GNG4: variants seen among roughly 807,000 people sequenced by gnomAD.
The protein encoded by GNG4 is G protein subunit gamma 4.
GNG4 carries 4 observed loss-of-function variants against 5.8 expected under a neutral mutation model. The ratio of observed to expected loss-of-function variants is 0.69; its 90% CI spans 0.34 to 1.57. The LOEUF (loss-of-function observed/expected upper bound fraction) is 1.57, where lower values mean the gene tolerates loss of function less well. GNG4 is among the 40% of genes most tolerant of loss of function. The pLI, the probability that GNG4 is intolerant of heterozygous loss-of-function variation, is 0.06. For synonymous variants in GNG4, 29 were observed against 32.9 expected (o/e 0.88, Z 0.41); for missense variants, 96 against 95.1 (o/e 1.01, Z -0.04).
intron 1 of GNG4, among the ~76,000 whole-genome samples, chr1:235,609,307 A>G (rs988521945): frequency 6.6e-6 from 1 of 152,192 alleles, no homozygotes; most frequent in South Asian, 2.1e-4. Context: ...GCTATTGTGA[A>G]TAATGCTGCC....
chr1:235,589,594 AG>A (rs1445960030), intron 2 of GNG4, among the ~76,000 whole-genome samples: 1 of 152,160 alleles, frequency 6.6e-6, no homozygotes, highest in Non-Finnish European at 1.5e-5. Context: ...GACCCCAAGC[AG>A]GGCATTTGGT....
At chr1:235,618,952 C>T (rs184676522) in intron 1 of GNG4, among the ~76,000 whole-genome samples, 130 of 150,596 alleles carry the variant, frequency 8.6e-4, no homozygotes, top group African/African-American at 3.0e-3. Context: ...CACTGCACGC[C>T]GCCAGTGAGT....
intron 3 of GNG4, among the ~76,000 whole-genome samples, chr1:235,579,605 C>T (rs370780478): frequency 2.6e-4 from 39 of 152,036 alleles, no homozygotes; most frequent in African/African-American, 8.2e-4. Flanking sequence ...AATCCCAGCA[C>T]TTAGAGAGGC....
intron 3 of GNG4, among the ~76,000 whole-genome samples, chr1:235,574,900 C>T (rs574223138): frequency 8.0e-4 from 122 of 152,192 alleles, no homozygotes; most frequent in Non-Finnish European, 1.5e-3. Context: ...TCTCAGCTCA[C>T]TGCAACCTCC....
chr1:235,633,831 A>C (rs1688979279), intron 1 of GNG4, among the ~76,000 whole-genome samples: 2 of 152,162 alleles, frequency 1.3e-5, no homozygotes, highest in African/African-American at 2.4e-5. Context: ...GTGGGTGAAG[A>C]AGCAGCTGGA....
At chr1:235,627,023 C>T (rs1265371285) in intron 1 of GNG4, among the ~76,000 whole-genome samples, 4 of 133,540 alleles carry the variant, frequency 3.0e-5, no homozygotes. Flanking sequence ...AAATTAGAGA[C>T]TGTCTTTGGG....
At chr1:235,602,639 A>G (rs1405905620) in intron 1 of GNG4, among the ~76,000 whole-genome samples, 2 of 152,206 alleles carry the variant, frequency 1.3e-5, no homozygotes. Flanking sequence ...CTCATTTAAG[A>G]GCTTGTATTT....
At chr1:235,620,598 T>C (rs970344425) in intron 1 of GNG4, among the ~76,000 whole-genome samples, 1 of 152,036 alleles carries the variant, frequency 6.6e-6, no homozygotes, top group Non-Finnish European at 1.5e-5. Context: ...TGCAGTGGCG[T>C]GATCTCGGCT....
intron 1 of GNG4, among the ~76,000 whole-genome samples, chr1:235,629,318 ATAACTCTTCTGAAATGTCAAATG>A (rs1399598501): frequency 1.3e-5 from 2 of 152,096 alleles, no homozygotes; most frequent in Non-Finnish European, 2.9e-5. Flanking sequence ...CCAAGTTGGG[ATAACTCTTCTGAAATGTCAAATG>A]CAATTACAAG....
intron 1 of GNG4, among the ~76,000 whole-genome samples, chr1:235,618,289 TCACA>T (rs1163232068): frequency 7.9e-5 from 12 of 152,110 alleles, no homozygotes; most frequent in Non-Finnish European, 1.5e-4. Flanking sequence ...GCTTCCTCCC[TCACA>T]CACACACAAA....
chr1:235,626,999 A>G (rs1263283507), intron 1 of GNG4, among the ~76,000 whole-genome samples: 20 of 126,100 alleles, frequency 1.6e-4, no homozygotes, highest in Admixed American at 5.8e-4. Flanking sequence ...AAAAAAAAAA[A>G]GAACTTAGAA....
intron 1 of GNG4, among the ~76,000 whole-genome samples, chr1:235,621,175 T>C (rs1274587898): frequency 6.9e-6 from 1 of 145,500 alleles, no homozygotes; most frequent in Non-Finnish European, 1.5e-5. Flanking sequence ...CTGGTCTTAG[T>C]AAGCCCTCTT....
intron 1 of GNG4, among the ~76,000 whole-genome samples, chr1:235,609,075 T>G (rs1332163969): frequency 6.6e-6 from 1 of 152,058 alleles, no homozygotes; most frequent in Non-Finnish European, 1.5e-5. Flanking sequence ...CCAAGCGATC[T>G]TCTTACCTTG....
intron 1 of GNG4, among the ~76,000 whole-genome samples, chr1:235,602,554 C>A (rs147200768): frequency 6.6e-6 from 1 of 152,164 alleles, no homozygotes; most frequent in Non-Finnish European, 1.5e-5. Context: ...TCTCACTAAC[C>A]GATACAGTAT....
At chr1:235,584,919 G>A (rs1687723589) in intron 2 of GNG4, among the ~76,000 whole-genome samples, 1 of 152,132 alleles carries the variant, frequency 6.6e-6, no homozygotes, top group Non-Finnish European at 1.5e-5. Flanking sequence ...GGACTTTATT[G>A]TATTAATTTA....
chr1:235,634,022 G>A lies in GNG4; in HGVS notation c.-123+15640C>T, dbSNP rs4638119. Among the ~76,000 whole-genome samples the A allele has an allele frequency of 5.0e-3, 766 of 152,270 alleles. 8 individuals carry two copies. Among genetic ancestry groups the A allele is most frequent in the African/African-American group, 0.017 (717 of 41,554 alleles). Reference sequence around the variant, plus strand: ...TTCATGGTGGGAAATGGGAGGATTCGAAATCAGAGAGAGCTCAGATTGGGG... The same window carrying A: ...TTCATGGTGGGAAATGGGAGGATTCAAAATCAGAGAGAGCTCAGATTGGGG... On this transcript the variant is annotated intron_variant, in intron 1 of 3. Coordinates refer to ENST00000391854, the MANE Select transcript of GNG4 (RefSeq NM_001098722.2).
intron 1 of GNG4, among the ~76,000 whole-genome samples, chr1:235,598,308 C>T (rs1364227109): frequency 2.0e-5 from 3 of 152,154 alleles, no homozygotes; most frequent in Non-Finnish European, 4.4e-5. Flanking sequence ...ACTAGGGGGA[C>T]TTTTAAGGAT....
intron 1 of GNG4, among the ~76,000 whole-genome samples, chr1:235,619,961 C>T (rs189487340): frequency 6.6e-6 from 1 of 152,264 alleles, no homozygotes; most frequent in Admixed American, 6.5e-5. Flanking sequence ...TAACCTTTAA[C>T]AAATTGAAAA....
At chr1:235,564,438 T>G (rs774135696) in intron 3 of GNG4, among the ~76,000 whole-genome samples, 2 of 152,178 alleles carry the variant, frequency 1.3e-5, no homozygotes, top group Non-Finnish European at 2.9e-5. Flanking sequence ...AAATTAAAGT[T>G]GAAACTAACC....
Sources: allele counts gnomAD v4.1 joint callset (sites outside exome capture counted in the v4.1 genomes callset), GRCh38; gene constraint gnomAD v4.1.1; transcripts MANE v1.5; gene names NCBI Gene and HGNC (gene_info 2026-07-23, HGNC 2026-07-21).